Variants in ZNF445 observed in about 807,000 individuals in gnomAD.
ZNF445 encodes zinc finger protein 168.
Under a neutral mutation model 93.9 loss-of-function variants are expected in ZNF445, and 19 were observed. The ratio of observed to expected loss-of-function variants is 0.20; its 90% CI spans 0.14 to 0.30. ZNF445 has a LOEUF of 0.30. Ranked by LOEUF, ZNF445 falls within the 10% of genes least tolerant of loss-of-function variation. The probability of loss-of-function intolerance (pLI) is 1.00; values close to 1 mark genes in which losing one functional copy is unlikely to be tolerated. For synonymous variants in ZNF445, 449 were observed against 446.3 expected, an observed-to-expected ratio of 1.01 and a Z score of -0.08; for missense variants, 1,058 against 1,259.4, an observed-to-expected ratio of 0.84 and a Z score of 2.42.
chr3:44,449,601 A>C lies in ZNF445; in HGVS notation c.843T>G (p.Ala281=). 1.2e-6 allele frequency: 2 copies of C among 1,614,090 alleles called. No homozygotes were observed. The highest frequency in any genetic ancestry group is 1.7e-6 in the Non-Finnish European group (2 of 1,179,994). Residue 281 remains alanine, a synonymous_variant, in exon 7 of 8, where the codon GCT becomes GCG. Transcript: ENST00000396077. ...CCCTTGCTTCCAACCAGGAGATCAGAGCAGGTTTGGTGAATGGTCCCACTG... is the reference window on the plus strand; with the variant it reads ...CCCTTGCTTCCAACCAGGAGATCAGCGCAGGTTTGGTGAATGGTCCCACTG... ...ASLVGPFTKP[A]LISWLEAREP...
At chr3:44,467,676 C>G (rs547484291) in intron 1 of ZNF445, among the ~76,000 whole-genome samples, 3 of 152,122 alleles carry the variant, frequency 2.0e-5, no homozygotes, top group African/African-American at 7.2e-5. Context: ...ACTTAAAAAG[C>G]CTAAGTGAAA....
intron 1 of ZNF445, among the ~76,000 whole-genome samples, chr3:44,475,479 C>A (rs897443974): frequency 6.6e-6 from 1 of 152,010 alleles, no homozygotes; most frequent in Non-Finnish European, 1.5e-5. Context: ...GGATTACAGG[C>A]ATGAGCCACC....
intron 1 of ZNF445, among the ~76,000 whole-genome samples, chr3:44,475,260 G>C (rs556510661): frequency 6.6e-6 from 1 of 152,010 alleles, no homozygotes; most frequent in East Asian, 1.9e-4. Flanking sequence ...GTACGATGGC[G>C]TGACCTCCAC....
At chr3:44,470,094 T>C (rs1368498199) in intron 1 of ZNF445, among the ~76,000 whole-genome samples, 3 of 152,050 alleles carry the variant, frequency 2.0e-5, no homozygotes, top group African/African-American at 7.2e-5. Context: ...TCACTCTGCC[T>C]GACTTTTTTT....
intron 2 of ZNF445, among the ~76,000 whole-genome samples, chr3:44,457,409 C>A (rs888877286): frequency 6.6e-6 from 1 of 151,982 alleles, no homozygotes; most frequent in African/African-American, 2.4e-5. Flanking sequence ...GGAGGTGAGA[C>A]TACAGGCATG....
At position 44,447,233 on chromosome 3, in the gene ZNF445, G is replaced by C. The variant is rs759913060; in HGVS notation, c.2438C>G (p.Ser813Cys). The C allele has an allele frequency of 3.8e-5, 62 of 1,614,176 alleles. No individual in the cohort carries two copies. Among genetic ancestry groups the C allele is most frequent in the Non-Finnish European group, 5.2e-5 (61 of 1,180,028 alleles). ...SNLYRHQRIH[S>C]LQKQYDCHES... is the part of the protein sequence containing the mutation. ...ATGGCAATCATACTGTTTTTGAAGA[G>C]AGTGAATCCTCTGATGTCGGTAGAG... The change falls in exon 8 of 8, where the codon TCT becomes TGT. Residue 813 changes from serine to cysteine, a missense_variant. Ser to Cys is a moderately radical substitution (Grantham distance 112). Transcript: ENST00000396077. This position sits in a 1 kb window ranked among gnomAD's most constrained non-coding sequence, Gnocchi z 4.7.
chr3:44,451,074 G>C, intron 4 of ZNF445, 112 bp from the exon 5 acceptor site: 1 of 1,037,902 alleles, frequency 9.6e-7, no homozygotes, highest in South Asian at 1.7e-5. Flanking sequence ...ACATAATGTT[G>C]TTAAATACCC....
intron 1 of ZNF445, among the ~76,000 whole-genome samples, chr3:44,468,380 TG>T (rs1221384608): frequency 2.0e-5 from 3 of 152,222 alleles, no homozygotes; most frequent in Admixed American, 6.5e-5. Context: ...GAACTAACTT[TG>T]GGAGAAACTT....
rs1229615562 is a variant in ZNF445, at chr3:44,446,760, T to C, written c.2911A>G (p.Ile971Val). The C allele has an allele frequency of 6.2e-7, 1 of 1,614,252 alleles. No individual in the cohort carries two copies. The highest frequency in any genetic ancestry group is 2.2e-5 in the East Asian group (1 of 44,884). The change falls in exon 8 of 8, where the codon ATA (isoleucine) becomes GTA (valine). Residue 971 changes from isoleucine to valine, a missense_variant. Ile to Val is a conservative substitution (Grantham distance 29). Transcript: ENST00000396077. The surrounding 1 kb of genome is among the most constrained non-coding windows in gnomAD (Gnocchi z 4.2). ...TTGTGGCACTTTTTCCCAATGCTTA[T>C]GTCCTGGAGTCCAGTGAGCCTGGAG... is the stretch of plus-strand genomic sequence containing the variant. ...QSSRLTGLQDISIGKKCHKCS... is the reference protein window; with the variant it reads ...QSSRLTGLQDVSIGKKCHKCS...
chr3:44,450,391 A>C, intron 6 of ZNF445, 56 bp downstream of exon 6: 2 of 1,612,390 alleles, frequency 1.2e-6, no homozygotes, highest in Non-Finnish European at 1.7e-6. Context: ...AGCACAGAAC[A>C]ACCCAAGAAG....
chr3:44,474,267 C>T (rs1205091524), intron 1 of ZNF445, among the ~76,000 whole-genome samples: 1 of 152,132 alleles, frequency 6.6e-6, no homozygotes, highest in African/African-American at 2.4e-5. Flanking sequence ...GTAATCCTCG[C>T]ACTCTGGGAG....
intron 1 of ZNF445, among the ~76,000 whole-genome samples, chr3:44,476,994 T>C (rs1415866455): frequency 6.6e-6 from 1 of 152,186 alleles, no homozygotes; most frequent in Non-Finnish European, 1.5e-5. Context: ...ATTCAGGAGA[T>C]TATAATTTTT....
chr3:44,434,140 T>C lies in ZNF445; in HGVS notation c.*12435A>G, dbSNP rs2125672249. 1 of 151,894 alleles carries C rather than the reference T, an allele frequency of 6.6e-6. No homozygotes were observed. Among genetic ancestry groups the C allele is most frequent in the Admixed American group, 6.6e-5 (1 of 15,238 alleles). 9.4% of individuals were successfully genotyped at this position (151,894 alleles called of 1,614,324 possible). On this transcript the variant is annotated 3_prime_UTR_variant, in exon 8 of 8. Transcript: ENST00000396077. Reference sequence around the variant, plus strand: ...AAAGAGAGAGAAAAAGGGCCTGGCTTGGTGGCTCACTTCTGTAATCCCAGC... The same window carrying C: ...AAAGAGAGAGAAAAAGGGCCTGGCTCGGTGGCTCACTTCTGTAATCCCAGC...
chr3:44,472,892 C>T (rs755106364), intron 1 of ZNF445, among the ~76,000 whole-genome samples: 3 of 152,314 alleles, frequency 2.0e-5, no homozygotes, highest in Middle Eastern at 3.4e-3. Flanking sequence ...ACTCTCCCCC[C>T]AGAGCTTTAT....
chr3:44,455,275 G>A lies in ZNF445; in HGVS notation c.275C>T (p.Ala92Val). 1 of 1,614,212 alleles carries A rather than the reference G, an allele frequency of 6.2e-7. No homozygotes were observed. The highest frequency in any genetic ancestry group is 1.1e-5 in the South Asian group (1 of 91,080). Residue 92 changes from alanine (A) to valine (V), a missense_variant, in exon 3 of 8, where the codon GCA becomes GTA. Ala to Val is a moderately conservative substitution (Grantham distance 64, BLOSUM62 0). Transcript: ENST00000396077. Reference sequence around the variant, plus strand: ...CAGCACCAGCAGCTCTAGGATCTGTGCCTTGGAGAGAACGTCAGGCCTCAG... The same window carrying A: ...CAGCACCAGCAGCTCTAGGATCTGTACCTTGGAGAGAACGTCAGGCCTCAG... ...WWLRPDVLSK[A>V]QILELLVLEQ...
intron 1 of ZNF445, among the ~76,000 whole-genome samples, chr3:44,470,929 G>GA (rs1044445528): frequency 3.4e-5 from 5 of 147,148 alleles, no homozygotes; most frequent in East Asian, 3.9e-4. Context: ...GATGTAAGGA[G>GA]AAAAAAAAAC....
At chr3:44,453,067 C>G (rs1201246400) in intron 3 of ZNF445, among the ~76,000 whole-genome samples, 1 of 151,882 alleles carries the variant, frequency 6.6e-6, no homozygotes, top group Non-Finnish European at 1.5e-5. Flanking sequence ...GCGAACACCA[C>G]CACGCCCAGC....
At chr3:44,459,488 T>C (rs1698077541) in intron 1 of ZNF445, among the ~76,000 whole-genome samples, 1 of 152,178 alleles carries the variant, frequency 6.6e-6, no homozygotes. Flanking sequence ...AATTCCACCA[T>C]CTCTTCTTAG....
At chr3:44,451,113 C>A in intron 4 of ZNF445, 151 bp from the exon 5 acceptor site, 1 of 1,006,368 alleles carries the variant, frequency 9.9e-7, no homozygotes, top group South Asian at 1.6e-5. Context: ...CTACTGGGGC[C>A]AGGAAAGGGG....
Sources: allele counts gnomAD v4.1 joint callset (sites outside exome capture counted in the v4.1 genomes callset), GRCh38; gene constraint gnomAD v4.1.1; non-coding constraint Gnocchi (gnomAD v3.1); transcripts MANE v1.5; gene names NCBI Gene and HGNC (gene_info 2026-07-23, HGNC 2026-07-21).